Variants in SLC26A9 observed in about 807,000 individuals in gnomAD.
SLC26A9 encodes solute carrier family 26 member 9.
In SLC26A9, 46 loss-of-function variants were observed where a neutral mutation model predicts 87.1. That is an observed-to-expected ratio of 0.53 (90% confidence interval 0.42 to 0.67). SLC26A9 has a LOEUF of 0.67. Among genes scored for constraint, SLC26A9 ranks in the 30% least tolerant of loss-of-function variants. The pLI is 0.00. For missense variants in SLC26A9, 927 were observed against 1,018.3 expected (o/e 0.91, Z 1.22); for synonymous variants, 437 against 409.1 (o/e 1.07, Z -0.82).
intron 19 of SLC26A9, among the ~76,000 whole-genome samples, chr1:205,918,157 G>C (rs943315292): frequency 4.6e-5 from 7 of 152,162 alleles, no homozygotes; most frequent in Non-Finnish European, 8.8e-5. Context: ...CAGGGCTGGG[G>C]CACAACAAGA....
rs202222567 is a variant in SLC26A9 at position 205,924,346 on chromosome 1, C to T, written c.1496+37G>A. The T allele has an allele frequency of 9.1e-5, 146 of 1,596,014 alleles. No homozygotes were observed. The East Asian group carries it at 2.2e-3, about 24-fold the overall frequency. The stretch of plus-strand genomic sequence containing the variant: ...CCCTTTGCGGGCTGGCCCAGGGAAC[C>T]GACTGTGGGCCTAGGAGGGCGGAAG... On this transcript the variant is annotated intron_variant, in intron 13 of 20. Transcript: ENST00000367135.
chr1:205,918,679 A>T (rs1026338534), intron 19 of SLC26A9, among the ~76,000 whole-genome samples, 161 bp downstream of exon 19: 4 of 152,266 alleles, frequency 2.6e-5, no homozygotes, highest in Admixed American at 6.5e-5. Context: ...ATGTTAGTTG[A>T]TGGTGCTCAT....
chr1:205,941,500 C>A (rs906221235), intron 1 of SLC26A9, among the ~76,000 whole-genome samples: 2 of 152,236 alleles, frequency 1.3e-5, no homozygotes, highest in South Asian at 4.1e-4. Flanking sequence ...ACTCCTTTTC[C>A]TTCTACTGTC....
At position 205,941,317 on chromosome 1, in the gene SLC26A9, C is replaced by T. The variant is rs190592376; in HGVS notation, c.-19+2048G>A. 1.3e-3 allele frequency among the ~76,000 whole-genome samples: 197 copies of T among 152,130 alleles called. 1 individual carries two copies. The South Asian group carries it at 0.014, about 11-fold the overall frequency. On this transcript the variant is annotated intron_variant, in intron 1 of 20. Transcript: ENST00000367135. ...CCTAGGAGCTGGGATTACTGGTGCGCGCCATGACACCCAGCTAATATTTTT... is the reference window on the plus strand; with the variant it reads ...CCTAGGAGCTGGGATTACTGGTGCGTGCCATGACACCCAGCTAATATTTTT...
At position 205,935,896 on chromosome 1, in the gene SLC26A9, A is replaced by C; in HGVS notation, c.-18-58T>G. On this transcript the variant is annotated intron_variant, in intron 1 of 20. Transcript: ENST00000367135. ...GAACATCCCTCCCTAGTGCCAGCCCAGGCCTTCTCTCTCTGGTCCTTGCAG... is the reference window on the plus strand; with the variant it reads ...GAACATCCCTCCCTAGTGCCAGCCCCGGCCTTCTCTCTCTGGTCCTTGCAG... 3.3e-6 allele frequency: 5 copies of C among 1,531,718 alleles called. No individual in the cohort carries two copies. In the South Asian group the frequency reaches 6.3e-5, roughly 19 times the overall value. 94.9% of individuals were successfully genotyped at this position (1,531,718 alleles called of 1,614,324 possible).
chr1:205,933,035 G>A lies in SLC26A9; in HGVS notation c.175C>T (p.Leu59Phe), dbSNP rs1472129743. ...KAVVFGLLPVLSWLPKYKIKD... is the reference protein window; with the variant it reads ...KAVVFGLLPVFSWLPKYKIKD... ...ATCTTGTACTTGGGGAGCCAGGAGA[G>A]CACAGGCAGCAGCCCAAACACCACA... The change falls in exon 3 of 21, where the codon CTC (leucine) becomes TTC (phenylalanine). Residue 59 changes from leucine to phenylalanine, a missense_variant. Transcript: ENST00000367135. 1.2e-6 allele frequency: 2 copies of A among 1,614,190 alleles called. No individual in the cohort carries two copies. Among genetic ancestry groups the A allele is most frequent in the Admixed American group, 1.7e-5 (1 of 60,034 alleles).
At position 205,921,842 on chromosome 1, in the gene SLC26A9, GAC is replaced by G; in HGVS notation, c.1777_1778del (p.Val593LeufsTer10). 1 of 1,604,964 alleles carries G rather than the reference GAC, an allele frequency of 6.2e-7. No individual in the cohort carries two copies. Among genetic ancestry groups the G allele is most frequent in the Non-Finnish European group, 8.5e-7 (1 of 1,177,122 alleles). The part of the protein sequence containing the change: ...RRSLFMKTKT[V>X]SLQELQQDFE... ...AGTCCTGCTGCAGCTCCTGCAGGGAGACAGTCTGGAAGGGTGGGGACAGTGGG... is the reference window on the plus strand; with the variant it reads ...AGTCCTGCTGCAGCTCCTGCAGGGAGAGTCTGGAAGGGTGGGGACAGTGGG... On this transcript the variant is annotated frameshift_variant, in exon 17 of 21. Transcript: ENST00000367135. LOFTEE classifies it high-confidence loss of function.
intron 8 of SLC26A9, 124 bp downstream of exon 8, chr1:205,928,703 A>G: frequency 1.2e-6 from 1 of 847,904 alleles, no homozygotes; most frequent in East Asian, 2.5e-5. Flanking sequence ...TAATTCATAC[A>G]TGGTCAGTGT....
At position 205,915,400 on chromosome 1, in the gene SLC26A9, A is replaced by T. The variant is rs1485461124; in HGVS notation, c.2333T>A (p.Met778Lys). The change falls in exon 21 of 21, where the codon ATG (methionine) becomes AAG (lysine). Residue 778 changes from methionine to lysine, a missense_variant. Coordinates refer to ENST00000367135, the MANE Select transcript of SLC26A9 (RefSeq NM_052934.4). Reference protein sequence around the residue: ...IRSYWDLEQEMFGSMFHAETL... With the variant: ...IRSYWDLEQEKFGSMFHAETL... ...CTCTGCGTGAAACATGCTCCCGAACATCTCCTGCAGGAACCACAGGAAGGA... is the reference window on the plus strand; with the variant it reads ...CTCTGCGTGAAACATGCTCCCGAACTTCTCCTGCAGGAACCACAGGAAGGA... 2 of 1,613,994 alleles carry T rather than the reference A, an allele frequency of 1.2e-6. No homozygotes were observed. Among genetic ancestry groups the T allele is most frequent in the East Asian group, 2.2e-5 (1 of 44,870 alleles).
chr1:205,928,738 T>G (rs41264909), intron 8 of SLC26A9, 89 bp downstream of exon 8: 1 of 1,251,472 alleles, frequency 8.0e-7, no homozygotes, highest in Non-Finnish European at 1.2e-6. Flanking sequence ...TGCACTTTCA[T>G]AGAGTTCATC....
chr1:205,929,924 G>A lies in SLC26A9; in HGVS notation c.685C>T (p.Pro229Ser), dbSNP rs1277960038. ...VLKYIFGLTI[P>S]SYTGPGSIVF... is the part of the protein sequence containing the mutation. Reference sequence around the variant, plus strand: ...ATGGACCCTGGGCCTGTGTAGGAGGGGATGGTCAGTCCGAAGATGTACTTG... The same window carrying A: ...ATGGACCCTGGGCCTGTGTAGGAGGAGATGGTCAGTCCGAAGATGTACTTG... The change falls in exon 6 of 21, where the codon CCC becomes TCC. Residue 229 changes from proline to serine, a missense_variant. Physicochemically the swap from Pro to Ser is moderately conservative, Grantham distance 74 (BLOSUM62 -1). Coordinates refer to ENST00000367135, the MANE Select transcript of SLC26A9 (RefSeq NM_052934.4). The A allele has an allele frequency of 1.2e-6, 2 of 1,611,524 alleles. No individual in the cohort carries two copies. The highest frequency in any genetic ancestry group is 2.2e-5 in the East Asian group (1 of 44,794).
At position 205,926,574 on chromosome 1, in the gene SLC26A9, G is replaced by T. The variant is rs747640808; in HGVS notation, c.1350C>A (p.Thr450=). The change falls in exon 12 of 21, where the codon ACC becomes ACA. Residue 450 remains threonine, a synonymous_variant. Transcript: ENST00000367135. The stretch of plus-strand genomic sequence containing the variant: ...TCTTCCTCCACAGGTAGTAGGGGTC[G>T]GTGAGTTGCTTGAGGGAGTTCTTGA... ...VNLKNSLKQL[T]DPYYLWRKSK... The T allele has an allele frequency of 6.2e-7, 1 of 1,614,094 alleles. No individual in the cohort carries two copies. The highest frequency in any genetic ancestry group is 8.5e-7 in the Non-Finnish European group (1 of 1,179,998).
At position 205,932,804 on chromosome 1, in the gene SLC26A9, A is replaced by C; in HGVS notation, c.274T>G (p.Phe92Val). The C allele has an allele frequency of 1.3e-6, 2 of 1,595,902 alleles. No homozygotes were observed. The highest frequency in any genetic ancestry group is 1.7e-6 in the Non-Finnish European group (2 of 1,171,276). The part of the protein sequence containing the change: ...GSIQVPQGMA[F>V]ALLANLPAVN... ...GCAGGAAGGTTGGCCAGCAGAGCAA[A>C]TGCCATGCCTGCAGAGGACAACGAG... is the stretch of plus-strand genomic sequence containing the variant. The change falls in exon 4 of 21, where the codon TTT becomes GTT. Residue 92 changes from phenylalanine (F) to valine (V), a missense_variant. Phe to Val is a conservative substitution (Grantham distance 50). Coordinates refer to ENST00000367135, the MANE Select transcript of SLC26A9 (RefSeq NM_052934.4).
chr1:205,939,649 G>A (rs956086361), intron 1 of SLC26A9, among the ~76,000 whole-genome samples: 1 of 152,084 alleles, frequency 6.6e-6, no homozygotes, highest in Non-Finnish European at 1.5e-5. Context: ...TGGTGGAAAA[G>A]GGTGGGTGGC....
At chr1:205,933,659 C>T (rs1659399302) in intron 2 of SLC26A9, among the ~76,000 whole-genome samples, 4 of 152,184 alleles carry the variant, frequency 2.6e-5, no homozygotes. Flanking sequence ...CCGAGTGGGG[C>T]CTGCCTGCTG....
Position 205,915,197 on chromosome 1 carries a change from G to T in SLC26A9, c.*160C>A, listed in dbSNP as rs755881098. On this transcript the variant is annotated 3_prime_UTR_variant, in exon 21 of 21. Coordinates refer to ENST00000367135, the MANE Select transcript of SLC26A9 (RefSeq NM_052934.4). The stretch of plus-strand genomic sequence containing the variant: ...GAGAGGCTCTCTCTGGAGATGCGGG[G>T]AGGGAAGGAAGGGAGGAGAGAGGGG... The T allele has an allele frequency of 1.1e-5, 17 of 1,610,426 alleles. No individual in the cohort carries two copies. The highest frequency in any genetic ancestry group is 1.4e-5 in the Non-Finnish European group (17 of 1,177,570).
rs900801860 is a variant in SLC26A9, at chr1:205,920,126, C to A, written c.2110+50G>T. 12 of 1,609,142 alleles carry A rather than the reference C, an allele frequency of 7.5e-6. No homozygotes were observed. In the African/African-American group the frequency reaches 1.5e-4, roughly 20 times the overall value. On this transcript the variant is annotated intron_variant, in intron 18 of 20. Coordinates refer to ENST00000367135, the MANE Select transcript of SLC26A9 (RefSeq NM_052934.4). ...TCAGACCCCACCAACCTGTTCCTAC[C>A]CCACACTCCTTGCCAGTCTTTCAGT...
chr1:205,918,560 T>C (rs1460457569), intron 19 of SLC26A9, among the ~76,000 whole-genome samples: 1 of 152,228 alleles, frequency 6.6e-6, no homozygotes, highest in Admixed American at 6.5e-5. Context: ...AGAAAACTTA[T>C]ATTGATAAAG....
At chr1:205,924,262 C>T (rs1469230122) in intron 13 of SLC26A9, 121 bp downstream of exon 13, 5 of 888,154 alleles carry the variant, frequency 5.6e-6, no homozygotes, top group Non-Finnish European at 8.7e-6. Flanking sequence ...GGCAGCACCT[C>T]CAGTGCCAGG....
Sources: allele counts gnomAD v4.1 joint callset (sites outside exome capture counted in the v4.1 genomes callset), GRCh38; gene constraint gnomAD v4.1.1; transcripts MANE v1.5; gene names NCBI Gene and HGNC (gene_info 2026-07-23, HGNC 2026-07-21).